Variants in MPRIP observed in about 807,000 individuals in gnomAD.
MPRIP encodes myosin phosphatase Rho-interacting protein.
In MPRIP, 59 loss-of-function variants were observed where a neutral mutation model predicts 234.9. The ratio of observed to expected loss-of-function variants is 0.25; its 90% confidence interval spans 0.20 to 0.31. The LOEUF (loss-of-function observed/expected upper bound fraction) is 0.31, where lower values mean the gene tolerates loss of function less well. Among genes scored for constraint, MPRIP ranks in the 10% least tolerant of loss-of-function variants. The probability of loss-of-function intolerance (pLI) is 1.00; values close to 1 mark genes in which losing one functional copy is unlikely to be tolerated. For synonymous variants in MPRIP, 1,144 were observed against 1,263.9 expected, an observed-to-expected ratio of 0.91 and a Z score of 2.01; for missense variants, 2,436 against 3,071.0, an observed-to-expected ratio of 0.79 and a Z score of 4.89.
At chr17:17,162,573 G>T (rs1003641572) in intron 15 of MPRIP, among the ~76,000 whole-genome samples, 2 of 152,196 alleles carry the variant, frequency 1.3e-5, no homozygotes, top group Non-Finnish European at 2.9e-5. Flanking sequence ...GGTGAACAGG[G>T]CCTCCCTGTG....
At chr17:17,163,314 A>G (rs1439876278) in intron 15 of MPRIP, among the ~76,000 whole-genome samples, 2 of 151,774 alleles carry the variant, frequency 1.3e-5, no homozygotes, top group Non-Finnish European at 2.9e-5. Flanking sequence ...GGCTCGGCTC[A>G]CTCTTGTTTG....
intron 1 of MPRIP, among the ~76,000 whole-genome samples, chr17:17,070,907 G>A (rs2144005655): frequency 6.6e-6 from 1 of 152,286 alleles, no homozygotes; most frequent in East Asian, 1.9e-4. Flanking sequence ...GCTTCCGTGG[G>A]GGAAGGGAGT....
chr17:17,073,936 C>T lies in MPRIP; in HGVS notation c.124-1774C>T, dbSNP rs192724186. On this transcript the variant is annotated intron_variant, in intron 1 of 23. Coordinates refer to ENST00000651222, the MANE Select transcript of MPRIP (RefSeq NM_001364716.4). ...CTCTCCTGTCCTTGCAGCTTTCCCC[C>T]GACCCCAGGCACACAGCTCCACTTG... is the stretch of plus-strand genomic sequence containing the variant. Among the ~76,000 whole-genome samples the T allele has an allele frequency of 1.5e-3, 222 of 152,318 alleles. 1 individual carries two copies. The highest frequency in any genetic ancestry group is 1.7e-3 in the Non-Finnish European group (113 of 68,028).
At chr17:17,066,345 A>G (rs1055375744) in intron 1 of MPRIP, among the ~76,000 whole-genome samples, 3 of 152,182 alleles carry the variant, frequency 2.0e-5, no homozygotes, top group Non-Finnish European at 2.9e-5. Context: ...AAAAATAATT[A>G]TGAATGGATG....
chr17:17,175,512 G>A (rs1218163805), intron 20 of MPRIP, 100 bp downstream of exon 20: 13 of 1,384,088 alleles, frequency 9.4e-6, no homozygotes, highest in Non-Finnish European at 1.2e-5. Flanking sequence ...GGGAGGAACA[G>A]ACCTGAGACA....
chr17:17,051,444 G>A (rs774177550), intron 1 of MPRIP, among the ~76,000 whole-genome samples: 3 of 152,266 alleles, frequency 2.0e-5, no homozygotes, highest in Non-Finnish European at 4.4e-5. Flanking sequence ...GAATGACACC[G>A]TTGGACCAGG....
chr17:17,098,739 G>T (rs769875877), intron 3 of MPRIP, among the ~76,000 whole-genome samples: 31 of 152,186 alleles, frequency 2.0e-4, no homozygotes, highest in Non-Finnish European at 3.8e-4. Context: ...GCCACGCCTG[G>T]TCAGCACAGG....
At position 17,172,733 on chromosome 17, in the gene MPRIP, A is replaced by T; in HGVS notation, c.6508A>T (p.Met2170Leu). Residue 2170 changes from methionine (M) to leucine (L), a missense_variant, in exon 18 of 24, where the codon ATG becomes TTG. Physicochemically the swap from Met to Leu is conservative, Grantham distance 15. Around this residue, in one of 4 missense-constraint regions of MPRIP, gnomAD observed 1,998 missense variants for 2,520.3 expected, o/e 0.79. Coordinates refer to ENST00000651222, the MANE Select transcript of MPRIP (RefSeq NM_001364716.4). Reference protein sequence around the residue: ...EAMKNAHREEMERELEKSQRS... With the variant: ...EAMKNAHREELERELEKSQRS... ...CATGAAGAACGCCCACCGGGAGGAA[A>T]TGGAGCGGGAGCTGGAGAAGAGCCA... 1 of 1,611,906 alleles carries T rather than the reference A, an allele frequency of 6.2e-7. No individual in the cohort carries two copies. Among genetic ancestry groups the T allele is most frequent in the Non-Finnish European group, 8.5e-7 (1 of 1,179,988 alleles).
intron 13 of MPRIP, among the ~76,000 whole-genome samples, chr17:17,157,353 C>T (rs2045751239): frequency 6.6e-6 from 1 of 152,246 alleles, no homozygotes; most frequent in Non-Finnish European, 1.5e-5. Context: ...TTGCTGGCTG[C>T]CGCTTGCCTG....
chr17:17,115,197 G>C (rs2090259698), intron 3 of MPRIP, among the ~76,000 whole-genome samples: 1 of 152,252 alleles, frequency 6.6e-6, no homozygotes, highest in African/African-American at 2.4e-5. Context: ...TCTTAGAAGA[G>C]GGCCTACTTG....
At chr17:17,123,703 C>CAAAAAAAAAAAAA (rs371753802) in intron 3 of MPRIP, among the ~76,000 whole-genome samples, 11 of 59,220 alleles carry the variant, frequency 1.9e-4, no homozygotes, top group Middle Eastern at 7.8e-3. Context: ...GACTTCGTCT[C>CAAAAAAAAAAAAA]AAAAAAAAAA....
intron 11 of MPRIP, chr17:17,149,736 A>C (rs937544362): frequency 2.0e-5 from 2 of 99,634 alleles, no homozygotes; most frequent in African/African-American, 5.1e-5. Context: ...TATAAAATAT[A>C]TTTTATAATA....
At chr17:17,134,278 C>CTT (rs2090651969) in intron 5 of MPRIP, among the ~76,000 whole-genome samples, 1 of 152,200 alleles carries the variant, frequency 6.6e-6, no homozygotes, top group African/African-American at 2.4e-5. Flanking sequence ...TCTAGAGCAA[C>CTT]TTGTGCTTTG....
chr17:17,188,732 C>T lies in MPRIP; in HGVS notation c.*3838C>T, dbSNP rs1488860220. 2 of 152,292 alleles carry T rather than the reference C, an allele frequency of 1.3e-5. No homozygotes were observed. The highest frequency in any genetic ancestry group is 3.8e-4 in the East Asian group (2 of 5,200). 9.4% of individuals were successfully genotyped at this position (152,292 alleles called of 1,614,324 possible). On this transcript the variant is annotated 3_prime_UTR_variant, in exon 24 of 24. Transcript: ENST00000651222. Reference sequence around the variant, plus strand: ...ACTGAACACAATCCTGATCATCACTCCTGCCTGGCTGTCTCCTGGGAGGCT... The same window carrying T: ...ACTGAACACAATCCTGATCATCACTTCTGCCTGGCTGTCTCCTGGGAGGCT...
At chr17:17,109,445 G>A (rs2090126038) in intron 3 of MPRIP, among the ~76,000 whole-genome samples, 1 of 152,254 alleles carries the variant, frequency 6.6e-6, no homozygotes, top group Non-Finnish European at 1.5e-5. Flanking sequence ...GCAGGTGGCA[G>A]GAGCCACTGT....
In MPRIP at chr17:17,184,822, G is replaced by C; in HGVS notation, c.7207-1G>C. The C allele has an allele frequency of 1.2e-6, 2 of 1,611,706 alleles. No homozygotes were observed. The highest frequency in any genetic ancestry group is 1.7e-6 in the Non-Finnish European group (2 of 1,178,284). On this transcript the variant is annotated splice_acceptor_variant, in intron 23 of 23. Transcript: ENST00000651222. LOFTEE classifies it high-confidence loss of function. ...TCTCCTCCTGCTCTGTCTCTACCCA[G>C]AGTCTGAAGGAAGGCCTGACGGTGC...
At position 17,142,638 on chromosome 17, in the gene MPRIP, T is replaced by A; in HGVS notation, c.1262T>A (p.Val421Glu). 4.3e-6 allele frequency: 7 copies of A among 1,611,472 alleles called. No homozygotes were observed. The highest frequency in any genetic ancestry group is 5.1e-6 in the Non-Finnish European group (6 of 1,179,834). ...GTCCTCTCTTGCAGGAGGTCCCAGG[T>A]GATTGAAAAGTTTGAGGCCTTGGAC... ...LFGNERRRSQ[V>E]IEKFEALDIE... Residue 421 changes from valine (V) to glutamate (E), a missense_variant, in exon 8 of 24, where the codon GTG (valine) becomes GAG (glutamate). Around this residue, in one of 4 missense-constraint regions of MPRIP, gnomAD observed 267 missense variants for 252.7 expected, o/e 1.06. Transcript: ENST00000651222.
Position 17,057,503 on chromosome 17 carries a change from T to G in MPRIP, c.123+14532T>G, listed in dbSNP as rs1246141027. On this transcript the variant is annotated intron_variant, in intron 1 of 23. Coordinates refer to ENST00000651222, the MANE Select transcript of MPRIP (RefSeq NM_001364716.4). ...GCGGTGCCTTCCCAGTGCTAGGTGC[T>G]GGGAGCTGCTGGCAGAGGGCCCACA... 1.6e-5 allele frequency: 11 copies of G among 684,678 alleles called. No homozygotes were observed. The East Asian group carries it at 2.4e-4, about 15-fold the overall frequency. The allele number at this position is 684,678 out of a possible 1,614,324, so 42.4% of individuals were successfully genotyped here. A position where few individuals can be genotyped will look rare whatever the true frequency, so the allele number is the denominator to read the frequency against.
chr17:17,135,905 A>T (rs2090685839), intron 5 of MPRIP, among the ~76,000 whole-genome samples: 2 of 152,242 alleles, frequency 1.3e-5, no homozygotes, highest in Admixed American at 1.3e-4. Flanking sequence ...GGGCTGGCCC[A>T]GACTTGGGCG....
Sources: allele counts gnomAD v4.1 joint callset (sites outside exome capture counted in the v4.1 genomes callset), GRCh38; gene constraint gnomAD v4.1.1; regional missense constraint gnomAD v4.1.1; transcripts MANE v1.5; gene names NCBI Gene and HGNC (gene_info 2026-07-23, HGNC 2026-07-21).